BRINP3: variants seen among roughly 807,000 people sequenced by gnomAD.
BRINP3 encodes the protein BMP/retinoic acid inducible neural specific 3, also known as BMP/retinoic acid-inducible neural-specific protein 3.
In BRINP3, 19 loss-of-function variants were observed where a neutral mutation model predicts 71.0. That is an observed-to-expected ratio of 0.27 (90% CI 0.19 to 0.39). BRINP3 has a LOEUF of 0.39. BRINP3 is among the 10% of genes least tolerant of loss of function. The probability of loss-of-function intolerance (pLI) is 1.00; values close to 1 mark genes in which losing one functional copy is unlikely to be tolerated. For missense variants in BRINP3, 959 were observed against 940.8 expected (o/e 1.02, Z -0.25); for synonymous variants, 380 against 337.7 (o/e 1.13, Z -1.37).
At chr1:190,227,370 G>C (rs1361950088) in intron 5 of BRINP3, among the ~76,000 whole-genome samples, 1 of 151,558 alleles carries the variant, frequency 6.6e-6, no homozygotes, top group Non-Finnish European at 1.5e-5. Context: ...GTTGGAAAAA[G>C]TACTCTTAGA....
intron 4 of BRINP3, among the ~76,000 whole-genome samples, chr1:190,246,003 T>C (rs1262583858): frequency 6.6e-6 from 1 of 151,974 alleles, no homozygotes; most frequent in African/African-American, 2.4e-5. Flanking sequence ...CAGTTTATCA[T>C]TGTTCGACAT....
chr1:190,267,047 T>C (rs554874041), intron 3 of BRINP3, among the ~76,000 whole-genome samples: 4 of 152,260 alleles, frequency 2.6e-5, no homozygotes, highest in African/African-American at 9.6e-5. Flanking sequence ...ACAGGAGCAA[T>C]AGACATACAC....
chr1:190,208,285 T>A (rs1181861473), intron 6 of BRINP3, among the ~76,000 whole-genome samples: 2 of 151,894 alleles, frequency 1.3e-5, no homozygotes, highest in East Asian at 3.9e-4. Flanking sequence ...ATATCATGTG[T>A]TTTTGTGCAC....
chr1:190,426,860 C>T (rs1353328929), intron 2 of BRINP3, among the ~76,000 whole-genome samples: 1 of 151,728 alleles, frequency 6.6e-6, no homozygotes, highest in Non-Finnish European at 1.5e-5. Flanking sequence ...AGTTACTTAA[C>T]TTTCTTTTAT....
intron 7 of BRINP3, among the ~76,000 whole-genome samples, chr1:190,119,727 G>T (rs997622693): frequency 6.6e-6 from 1 of 152,206 alleles, no homozygotes; most frequent in Non-Finnish European, 1.5e-5. Flanking sequence ...AGGCAACAAT[G>T]ATGAGATGTA....
At chr1:190,447,299 GTATA>G (rs5779531) in intron 2 of BRINP3, among the ~76,000 whole-genome samples, 12 of 144,262 alleles carry the variant, frequency 8.3e-5, no homozygotes, top group South Asian at 4.3e-4. Context: ...GTGTAAAATA[GTATA>G]TATATATATA....
chr1:190,150,912 C>A (rs1656333565), intron 7 of BRINP3, among the ~76,000 whole-genome samples: 1 of 152,078 alleles, frequency 6.6e-6, no homozygotes, highest in Non-Finnish European at 1.5e-5. Context: ...ATAAATAATT[C>A]TGATATACGA....
At chr1:190,460,210 A>G (rs1052917660) in intron 1 of BRINP3, among the ~76,000 whole-genome samples, 2 of 151,180 alleles carry the variant, frequency 1.3e-5, no homozygotes, top group Non-Finnish European at 3.0e-5. Flanking sequence ...TACGATACAT[A>G]TTATTCTATT....
intron 2 of BRINP3, among the ~76,000 whole-genome samples, chr1:190,435,378 T>C (rs1171038): frequency 0.97 from 146,803 of 152,082 alleles, 71,053 homozygotes; most frequent in East Asian, 1. Context: ...CAGATTACAT[T>C]ACTGAACTGT....
chr1:190,201,264 C>T (rs988431197), intron 6 of BRINP3, among the ~76,000 whole-genome samples: 2 of 152,138 alleles, frequency 1.3e-5, no homozygotes, highest in African/African-American at 2.4e-5. Context: ...TGGCATTTTG[C>T]CCCTGCCCTA....
intron 2 of BRINP3, among the ~76,000 whole-genome samples, chr1:190,362,755 A>C (rs548649458): frequency 7.2e-5 from 11 of 152,232 alleles, no homozygotes; most frequent in African/African-American, 2.6e-4. Flanking sequence ...CTTTCCTCTC[A>C]TTCTGTCTTG....
At chr1:190,265,231 G>A (rs1661552208) in intron 3 of BRINP3, among the ~76,000 whole-genome samples, 176 bp from the exon 4 acceptor site, 1 of 151,996 alleles carries the variant, frequency 6.6e-6, no homozygotes, top group Admixed American at 6.6e-5. Flanking sequence ...CTCAAAAAGT[G>A]CCTGGGATAT....
At chr1:190,109,596 A>G (rs1319772148) in intron 7 of BRINP3, among the ~76,000 whole-genome samples, 1 of 152,208 alleles carries the variant, frequency 6.6e-6, no homozygotes, top group Non-Finnish European at 1.5e-5. Context: ...TCCAGAAGAG[A>G]TTACCATTTG....
intron 6 of BRINP3, among the ~76,000 whole-genome samples, chr1:190,216,767 C>T (rs932199147): frequency 1.3e-5 from 2 of 149,348 alleles, no homozygotes; most frequent in Admixed American, 1.3e-4. Context: ...ATGCAAATTA[C>T]TTCCTTCTTT....
intron 5 of BRINP3, among the ~76,000 whole-genome samples, chr1:190,231,521 A>C (rs1166035662): frequency 6.6e-6 from 1 of 151,762 alleles, no homozygotes; most frequent in Non-Finnish European, 1.5e-5. Context: ...TACTACCAAA[A>C]CTTAATAAAT....
At chr1:190,145,670 T>A (rs1655820193) in intron 7 of BRINP3, among the ~76,000 whole-genome samples, 1 of 152,184 alleles carries the variant, frequency 6.6e-6, no homozygotes, top group African/African-American at 2.4e-5. Flanking sequence ...ATCCCACTAC[T>A]GGGTATCTAC....
intron 4 of BRINP3, among the ~76,000 whole-genome samples, chr1:190,258,368 T>C (rs1331431891): frequency 6.6e-6 from 1 of 152,090 alleles, no homozygotes; most frequent in African/African-American, 2.4e-5. Flanking sequence ...ACCCAAATAC[T>C]GCACTAGTTA....
intron 7 of BRINP3, among the ~76,000 whole-genome samples, chr1:190,127,251 T>A (rs1475317800): frequency 6.6e-6 from 1 of 151,850 alleles, no homozygotes; most frequent in African/African-American, 2.4e-5. Context: ...TCTTTGAAAC[T>A]GCACGTTAAT....
At chr1:190,197,677 C>T (rs983155724) in intron 6 of BRINP3, among the ~76,000 whole-genome samples, 4 of 152,102 alleles carry the variant, frequency 2.6e-5, no homozygotes, top group African/African-American at 4.8e-5. Flanking sequence ...AGGTGGGCTC[C>T]CATAGCCTTG....
Sources: allele counts gnomAD v4.1 joint callset (sites outside exome capture counted in the v4.1 genomes callset), GRCh38; gene constraint gnomAD v4.1.1; transcripts MANE v1.5; gene names NCBI Gene and HGNC (gene_info 2026-07-23, HGNC 2026-07-21).